GPR158: variants seen among roughly 807,000 people sequenced by gnomAD.
The protein encoded by GPR158 is metabotropic glycine receptor.
GPR158 carries 30 observed loss-of-function variants against 78.2 expected under a neutral mutation model. The observed-to-expected ratio is 0.38, with a 90% CI of 0.29 to 0.52. The LOEUF (loss-of-function observed/expected upper bound fraction) is 0.52. Among genes scored for constraint, GPR158 ranks in the 20% least tolerant of loss-of-function variants. The pLI is 0.83. For missense variants in GPR158, 1,463 were observed against 1,523.5 expected (o/e 0.96, Z 0.66); for synonymous variants, 581 against 591.1 (o/e 0.98, Z 0.25).
At chr10:25,246,584 G>A (rs1291113618) in intron 2 of GPR158, among the ~76,000 whole-genome samples, 1 of 152,174 alleles carries the variant, frequency 6.6e-6, no homozygotes, top group African/African-American at 2.4e-5. Flanking sequence ...AGAATGATGA[G>A]TGACATGGCA....
rs370956631 is a variant in GPR158, at chr10:25,385,864, T to A, written c.1009-10047T>A. On this transcript the variant is annotated intron_variant, in intron 2 of 10. Coordinates refer to ENST00000376351, the MANE Select transcript of GPR158 (RefSeq NM_020752.3). ...ATGTGCTCTGGATATTAGCCCTTTA[T>A]CAGATACATGGTTTGCAAATGTTTT... Among the ~76,000 whole-genome samples the A allele has an allele frequency of 5.9e-5, 9 of 152,320 alleles. No individual in the cohort carries two copies. In the East Asian group the frequency reaches 1.7e-3, roughly 29 times the overall value.
At chr10:25,544,290 A>ATTTT (rs71848369) in intron 5 of GPR158, among the ~76,000 whole-genome samples, 634 of 150,274 alleles carry the variant, frequency 4.2e-3, no homozygotes, top group Non-Finnish European at 5.7e-3. Flanking sequence ...ATAGTGTTTT[A>ATTTT]TTTTTTTTTT....
chr10:25,222,513 G>T (rs761436038), intron 2 of GPR158, among the ~76,000 whole-genome samples: 1 of 151,608 alleles, frequency 6.6e-6, no homozygotes. Flanking sequence ...TTTCTGCCTT[G>T]CTAACTCACA....
intron 4 of GPR158, among the ~76,000 whole-genome samples, chr10:25,419,561 A>G (rs780313917): frequency 6.6e-5 from 10 of 152,194 alleles, no homozygotes; most frequent in Non-Finnish European, 1.2e-4. Flanking sequence ...GATTTGAGGA[A>G]CCACCAAACC....
intron 2 of GPR158, among the ~76,000 whole-genome samples, chr10:25,341,292 A>G (rs528400601): frequency 8.0e-4 from 121 of 152,144 alleles, no homozygotes; most frequent in Non-Finnish European, 1.5e-3. Flanking sequence ...GTAAATGTAA[A>G]TGAACACTGT....
At chr10:25,247,717 G>T (rs1193268011) in intron 2 of GPR158, among the ~76,000 whole-genome samples, 1 of 151,702 alleles carries the variant, frequency 6.6e-6, no homozygotes, top group Non-Finnish European at 1.5e-5. Context: ...GTCTATTATT[G>T]TTGGACATTT....
At chr10:25,459,406 T>A (rs1835329729) in intron 4 of GPR158, among the ~76,000 whole-genome samples, 1 of 152,186 alleles carries the variant, frequency 6.6e-6, no homozygotes, top group African/African-American at 2.4e-5. Context: ...TCATAGATGC[T>A]GGGTCCAACT....
intron 2 of GPR158, among the ~76,000 whole-genome samples, chr10:25,351,438 G>C (rs1046518947): frequency 6.7e-6 from 1 of 149,742 alleles, no homozygotes; most frequent in Non-Finnish European, 1.5e-5. Flanking sequence ...GGGTGGGGGG[G>C]TGCTGGAAAT....
intron 4 of GPR158, among the ~76,000 whole-genome samples, chr10:25,414,060 C>G (rs1219411409): frequency 6.6e-6 from 1 of 152,094 alleles, no homozygotes; most frequent in Admixed American, 6.5e-5. Context: ...TCTGAAATCT[C>G]TCTGATATAA....
chr10:25,535,404 G>T (rs542067380), intron 5 of GPR158, among the ~76,000 whole-genome samples: 166 of 152,328 alleles, frequency 1.1e-3, no homozygotes, highest in Non-Finnish European at 1.6e-3. Flanking sequence ...AAGGAACTGA[G>T]AATGGCCTCC....
intron 2 of GPR158, among the ~76,000 whole-genome samples, chr10:25,354,554 G>A (rs149726388): frequency 0.011 from 1,599 of 152,102 alleles, 17 homozygotes; most frequent in Middle Eastern, 0.024. Flanking sequence ...TAATAGATTT[G>A]CCTTTTAGGC....
chr10:25,588,301 C>T (rs924860483), intron 7 of GPR158, among the ~76,000 whole-genome samples: 3 of 152,108 alleles, frequency 2.0e-5, no homozygotes, highest in African/African-American at 7.2e-5. Context: ...AGGGATAGAG[C>T]CAGAGTCAGA....
rs1164698500 is a variant in GPR158, at chr10:25,175,181, C to A, written c.-240C>A. On this transcript the variant is annotated 5_prime_UTR_variant, in exon 1 of 11. Transcript: ENST00000376351. This position sits in a 1 kb window ranked among gnomAD's most constrained non-coding sequence, Gnocchi z 6.4. ...AGGCTGCGAGGTGCGTAATCCCCAG[C>A]CGGCCCCTCGCGCAGCGGGCACGGC... The A allele has an allele frequency of 8.7e-6, 4 of 459,166 alleles. No homozygotes were observed. Among genetic ancestry groups the A allele is most frequent in the African/African-American group, 8.0e-5 (4 of 50,260 alleles). The allele number at this position is 459,166 out of a possible 1,614,324, so 28.4% of individuals were successfully genotyped here. A position where few individuals can be genotyped will look rare whatever the true frequency, so the allele number is the denominator to read the frequency against.
intron 4 of GPR158, among the ~76,000 whole-genome samples, chr10:25,463,369 A>G (rs946843376): frequency 6.6e-6 from 1 of 152,034 alleles, no homozygotes; most frequent in Non-Finnish European, 1.5e-5. Flanking sequence ...GTCTGAAACC[A>G]AACCCAAAAT....
intron 2 of GPR158, among the ~76,000 whole-genome samples, chr10:25,357,076 A>G (rs896255672): frequency 6.6e-6 from 1 of 152,124 alleles, no homozygotes; most frequent in Non-Finnish European, 1.5e-5. Flanking sequence ...ATGTTTTAGC[A>G]AAGAGGCTGG....
Position 25,317,734 on chromosome 10 carries a change from TTGTTTTG to T in GPR158, c.1009-78175_1009-78169del, listed in dbSNP as rs1564420582. 5.9e-4 allele frequency among the ~76,000 whole-genome samples: 87 copies of T among 146,570 alleles called. 5 individuals carry two copies. The highest frequency in any genetic ancestry group is 2.2e-3 in the African/African-American group (82 of 36,770). ...GTAAAGTGTTTTTTTTTGTTTTGTT[TTGTTTTG>T]TTTTTGAGACAGAGTCTCGCTTCTT... On this transcript the variant is annotated intron_variant, in intron 2 of 10. Coordinates refer to ENST00000376351, the MANE Select transcript of GPR158 (RefSeq NM_020752.3).
chr10:25,296,278 G>A lies in GPR158; in HGVS notation c.1008+75121G>A, dbSNP rs115424023. On this transcript the variant is annotated intron_variant, in intron 2 of 10. Transcript: ENST00000376351. The stretch of plus-strand genomic sequence containing the variant: ...GTGAGGCAACTCTCCTTCAGTTGAG[G>A]GCAGTTTTCCTGAGAAAGGGGTAGC... Among the ~76,000 whole-genome samples the A allele has an allele frequency of 5.8e-3, 878 of 152,154 alleles. 5 individuals are homozygous for A. Among genetic ancestry groups the A allele is most frequent in the African/African-American group, 0.018 (744 of 41,532 alleles).
chr10:25,341,232 A>C (rs1017542318), intron 2 of GPR158, among the ~76,000 whole-genome samples: 7 of 152,054 alleles, frequency 4.6e-5, no homozygotes, highest in Admixed American at 2.0e-4. Flanking sequence ...TCTAAATGAC[A>C]GTCTGGAGAT....
intron 5 of GPR158, among the ~76,000 whole-genome samples, chr10:25,505,587 C>T (rs1417158215): frequency 6.6e-6 from 1 of 152,188 alleles, no homozygotes; most frequent in Non-Finnish European, 1.5e-5. Flanking sequence ...CTTACAACCT[C>T]TCAGTGGCAT....
Sources: allele counts gnomAD v4.1 joint callset (sites outside exome capture counted in the v4.1 genomes callset), GRCh38; gene constraint gnomAD v4.1.1; non-coding constraint Gnocchi (gnomAD v3.1); transcripts MANE v1.5; gene names NCBI Gene and HGNC (gene_info 2026-07-23, HGNC 2026-07-21).